The following RBPMS2 variants were observed in gnomAD, a reference collection of about 807,000 sequenced individuals.
RBPMS2 encodes RNA-binding protein with multiple splicing 2.
RBPMS2 carries 14 observed loss-of-function variants against 25.7 expected under a neutral mutation model. The ratio of observed to expected loss-of-function variants is 0.55; its 90% CI spans 0.36 to 0.85. The LOEUF (loss-of-function observed/expected upper bound fraction) is 0.85, where lower values mean the gene tolerates loss of function less well. RBPMS2 is among the 40% of genes least tolerant of loss of function. The pLI, the probability that RBPMS2 is intolerant of heterozygous loss-of-function variation, is 0.01. For synonymous variants in RBPMS2, 127 were observed against 115.6 expected, an observed-to-expected ratio of 1.10 and a Z score of -0.63; for missense variants, 252 against 283.4, an observed-to-expected ratio of 0.89 and a Z score of 0.80.
At chr15:64,750,563 G>A (rs935044678) in intron 2 of RBPMS2, among the ~76,000 whole-genome samples, 182 bp from the exon 3 acceptor site, 2 of 152,152 alleles carry the variant, frequency 1.3e-5, no homozygotes, top group African/African-American at 4.8e-5. Flanking sequence ...TCTGAATCAC[G>A]CGGTCTAGCA....
At chr15:64,770,711 G>C (rs1434773624) in intron 1 of RBPMS2, among the ~76,000 whole-genome samples, 2 of 152,080 alleles carry the variant, frequency 1.3e-5, no homozygotes, top group African/African-American at 4.8e-5. Context: ...AGAAAAGGGA[G>C]GTGCCCAAAT....
At chr15:64,742,659 C>T (rs1263145564) in intron 6 of RBPMS2, among the ~76,000 whole-genome samples, 1 of 152,116 alleles carries the variant, frequency 6.6e-6, no homozygotes, top group Non-Finnish European at 1.5e-5. Context: ...CAACACAGGA[C>T]CTTGAGTTGC....
chr15:64,747,376 T>C (rs1483588582), intron 6 of RBPMS2, among the ~76,000 whole-genome samples: 1 of 152,128 alleles, frequency 6.6e-6, no homozygotes, highest in African/African-American at 2.4e-5. Flanking sequence ...TGAACCCTCC[T>C]TTCTGGCTTC....
chr15:64,742,584 C>T (rs927707408), intron 6 of RBPMS2, among the ~76,000 whole-genome samples: 6 of 152,308 alleles, frequency 3.9e-5, no homozygotes, highest in African/African-American at 7.2e-5. Flanking sequence ...CAGTTATGCA[C>T]GGTGAAGCAT....
chr15:64,757,428 AC>A (rs1379332013), intron 1 of RBPMS2, among the ~76,000 whole-genome samples: 29 of 152,190 alleles, frequency 1.9e-4, no homozygotes, highest in African/African-American at 7.0e-4. Context: ...GCCATGAGCC[AC>A]TTATTAAGGT....
intron 1 of RBPMS2, among the ~76,000 whole-genome samples, chr15:64,757,004 G>A (rs1192524190): frequency 2.3e-5 from 3 of 131,054 alleles, no homozygotes; most frequent in Admixed American, 8.2e-5. Context: ...ATGGAGTCTC[G>A]GTCTGTCTCC....
At chr15:64,769,221 G>T (rs1437949579) in intron 1 of RBPMS2, among the ~76,000 whole-genome samples, 1 of 150,576 alleles carries the variant, frequency 6.6e-6, no homozygotes, top group African/African-American at 2.4e-5. Context: ...CCAGCACTTT[G>T]GGAGGCCGAG....
intron 1 of RBPMS2, among the ~76,000 whole-genome samples, chr15:64,752,711 A>G (rs12914109): frequency 0.74 from 112,839 of 151,700 alleles, 45,611 homozygotes; most frequent in East Asian, 0.96. Context: ...CCCCGGTTCA[A>G]GCGATTCTCC....
At chr15:64,744,620 G>T (rs535039590) in intron 6 of RBPMS2, among the ~76,000 whole-genome samples, 1 of 149,446 alleles carries the variant, frequency 6.7e-6, no homozygotes, top group South Asian at 2.1e-4. Context: ...GTACACACAA[G>T]GATATCCATT....
intron 1 of RBPMS2, among the ~76,000 whole-genome samples, chr15:64,768,958 G>A (rs1176687756): frequency 5.3e-5 from 8 of 150,980 alleles, no homozygotes; most frequent in South Asian, 4.2e-4. Flanking sequence ...AAAATTAGCC[G>A]GGCATGGTGG....
intron 1 of RBPMS2, among the ~76,000 whole-genome samples, chr15:64,766,100 A>G (rs2083843832): frequency 6.6e-6 from 1 of 152,168 alleles, no homozygotes; most frequent in Non-Finnish European, 1.5e-5. Flanking sequence ...ACCACAAAGA[A>G]GGGCGAAGTA....
chr15:64,755,891 C>T (rs978299480), intron 1 of RBPMS2, among the ~76,000 whole-genome samples: 7 of 151,552 alleles, frequency 4.6e-5, no homozygotes, highest in Non-Finnish European at 8.8e-5. Context: ...ACTGCCCCCT[C>T]GGCTCACCCC....
intron 6 of RBPMS2, among the ~76,000 whole-genome samples, chr15:64,743,167 G>C (rs564420737): frequency 6.6e-6 from 1 of 152,344 alleles, no homozygotes; most frequent in South Asian, 2.1e-4. Context: ...TGGGTGTCCC[G>C]CAGGGCCGGA....
At chr15:64,758,477 G>T (rs531964050) in intron 1 of RBPMS2, among the ~76,000 whole-genome samples, 2 of 152,234 alleles carry the variant, frequency 1.3e-5, no homozygotes, top group Non-Finnish European at 2.9e-5. Context: ...CAACCCTTCT[G>T]GTGGAACCTG....
chr15:64,751,619 C>A lies in RBPMS2; in HGVS notation c.107G>T (p.Ser36Ile). 1 of 1,614,016 alleles carries A rather than the reference C, an allele frequency of 6.2e-7. No homozygotes were observed. Among genetic ancestry groups the A allele is most frequent in the Non-Finnish European group, 8.5e-7 (1 of 1,179,976 alleles). The part of the protein sequence containing the change: ...LEEEVRTLFV[S>I]GLPVDIKPRE... ...GGGTTTAATGTCCACAGGGAGGCCG[C>A]TGACAAACAGTGTCCGGACCTGGAG... Residue 36 changes from serine to isoleucine, a missense_variant, in exon 2 of 8, where the codon AGC (serine) becomes ATC (isoleucine). By Grantham distance (142) the Ser-to-Ile change is moderately radical. Coordinates refer to ENST00000300069, the MANE Select transcript of RBPMS2 (RefSeq NM_194272.3).
Position 64,740,163 on chromosome 15 carries a change from C to G in RBPMS2, c.*845G>C, listed in dbSNP as rs917853601. ...TTCATGCCTCAAACTAAACATTAAACTTATCTGACAGGGCGAACGAGGTCG... is the reference window on the plus strand; with the variant it reads ...TTCATGCCTCAAACTAAACATTAAAGTTATCTGACAGGGCGAACGAGGTCG... On this transcript the variant is annotated 3_prime_UTR_variant, in exon 8 of 8. Coordinates refer to ENST00000300069, the MANE Select transcript of RBPMS2 (RefSeq NM_194272.3). 6.6e-6 allele frequency: 1 copy of G among 152,506 alleles called. No individual in the cohort carries two copies. Among genetic ancestry groups the G allele is most frequent in the Non-Finnish European group, 1.5e-5 (1 of 68,050 alleles). 9.4% of individuals were successfully genotyped at this position (152,506 alleles called of 1,614,324 possible).
At position 64,773,352 on chromosome 15, in the gene RBPMS2, A is replaced by G. The variant is rs1447096822; in HGVS notation, c.87+1881T>C. On this transcript the variant is annotated intron_variant, in intron 1 of 7. Coordinates refer to ENST00000300069, the MANE Select transcript of RBPMS2 (RefSeq NM_194272.3). The stretch of plus-strand genomic sequence containing the variant: ...ATAACCCTTTCCCTTACCAGACCAG[A>G]CAGACACTGGGCTCCAGGAGACCCT... 3.9e-5 allele frequency among the ~76,000 whole-genome samples: 6 copies of G among 152,208 alleles called. No individual in the cohort carries two copies. The East Asian group carries it at 9.6e-4, about 24-fold the overall frequency.
At position 64,741,219 on chromosome 15, in the gene RBPMS2, G is replaced by A. The variant is rs180701709; in HGVS notation, c.591C>T (p.Asp197=). 20 of 1,592,414 alleles carry A rather than the reference G, an allele frequency of 1.3e-5. No homozygotes were observed. The highest frequency in any genetic ancestry group is 1.7e-6 in the Non-Finnish European group (2 of 1,169,392). The change falls in exon 7 of 8, where the codon GAC becomes GAT. Residue 197 remains aspartate (D), a synonymous_variant. Coordinates refer to ENST00000300069, the MANE Select transcript of RBPMS2 (RefSeq NM_194272.3). ...HAQVRWYPSS[D]TTQQGWKYRQ... ...GGTACTTCCATCCTTGCTGGGTGGTGTCAGAGGAAGGGTACCAGCGCACCT... is the reference window on the plus strand; with the variant it reads ...GGTACTTCCATCCTTGCTGGGTGGTATCAGAGGAAGGGTACCAGCGCACCT...
At chr15:64,752,401 G>A (rs1410086778) in intron 1 of RBPMS2, among the ~76,000 whole-genome samples, 1 of 151,834 alleles carries the variant, frequency 6.6e-6, no homozygotes, top group Non-Finnish European at 1.5e-5. Flanking sequence ...AGAGGGCCCG[G>A]CACTTTCTCA....
Sources: gnomAD v4.1 joint callset for allele counts (sites outside exome capture counted in the v4.1 genomes callset) on GRCh38, gnomAD v4.1.1 for gene constraint, MANE v1.5 for transcripts, NCBI Gene and HGNC (gene_info 2026-07-23, HGNC 2026-07-21) for gene names.